Variants in MRTFB observed in about 807,000 individuals in gnomAD.
MRTFB encodes the protein myocardin related transcription factor B.
MRTFB carries 29 observed loss-of-function variants against 104.2 expected under a neutral mutation model. The ratio of observed to expected loss-of-function variants is 0.28; its 90% CI spans 0.21 to 0.38. MRTFB has a LOEUF of 0.38. Ranked by LOEUF, MRTFB falls within the 10% of genes least tolerant of loss-of-function variation. The pLI, the probability that MRTFB is intolerant of heterozygous loss-of-function variation, is 1.00. For missense variants in MRTFB, 1,270 were observed against 1,341.6 expected (o/e 0.95, Z 0.83); for synonymous variants, 535 against 519.5 (o/e 1.03, Z -0.41).
At chr16:14,044,492 G>T in the MRTFB span, among the ~76,000 whole-genome samples, 1 of 152,216 alleles carries the variant, frequency 6.6e-6, no homozygotes, top group Non-Finnish European at 1.5e-5. Context: ...GAAGGTAGGT[G>T]GTTTTCACAG....
intron 3 of MRTFB, chr16:14,186,909 C>G: frequency 6.3e-7 from 1 of 1,598,204 alleles, no homozygotes; most frequent in Non-Finnish European, 8.5e-7. Flanking sequence ...TCAGAAGCCT[C>G]TCACCATGAT....
the MRTFB span, among the ~76,000 whole-genome samples, chr16:13,996,688 G>A: frequency 1.2e-3 from 178 of 152,308 alleles, 1 homozygote; most frequent in Middle Eastern, 3.4e-3. Flanking sequence ...TGGAGAGCTC[G>A]TGAGACAAAG....
chr16:14,068,110 G>A (rs942516431), upstream of MRTFB, among the ~76,000 whole-genome samples: 4 of 152,118 alleles, frequency 2.6e-5, no homozygotes, highest in Non-Finnish European at 5.9e-5. Context: ...GGGATTACAG[G>A]CATGAGCCAC....
At chr16:14,254,238 G>A (rs777549784) in intron 15 of MRTFB, among the ~76,000 whole-genome samples, 10 of 152,192 alleles carry the variant, frequency 6.6e-5, no homozygotes, top group Admixed American at 4.6e-4. Flanking sequence ...GCAATTCCAC[G>A]AGTGGCTAAG....
At chr16:14,062,720 A>G in the MRTFB span, among the ~76,000 whole-genome samples, 5 of 152,324 alleles carry the variant, frequency 3.3e-5, no homozygotes, top group South Asian at 1.0e-3. Flanking sequence ...AGGGCCAGAG[A>G]AAAGAACTTG....
intron 3 of MRTFB, among the ~76,000 whole-genome samples, chr16:14,154,603 A>T (rs2142830216): frequency 6.6e-6 from 1 of 152,324 alleles, no homozygotes; most frequent in African/African-American, 2.4e-5. Context: ...TGCATTTATT[A>T]TCTCACAGCT....
intron 8 of MRTFB, among the ~76,000 whole-genome samples, chr16:14,225,520 T>A (rs1210452761): frequency 1.3e-5 from 2 of 152,142 alleles, no homozygotes; most frequent in Non-Finnish European, 2.9e-5. Context: ...TATGCAAACC[T>A]ACCCCCAAAA....
At chr16:14,014,651 C>G in the MRTFB span, among the ~76,000 whole-genome samples, 2 of 151,790 alleles carry the variant, frequency 1.3e-5, no homozygotes, top group Admixed American at 6.6e-5. Flanking sequence ...GTCAGGAGTT[C>G]GAGACCAGCC....
In MRTFB at chr16:14,192,707, T is replaced by A. The variant is rs1251765881; in HGVS notation, c.155-17536T>A. Among the ~76,000 whole-genome samples, 3 of 152,154 alleles carry A rather than the reference T, an allele frequency of 2.0e-5. No individual in the cohort carries two copies. The East Asian group carries it at 5.8e-4, about 29-fold the overall frequency. On this transcript the variant is annotated intron_variant, in intron 3 of 16. Coordinates refer to ENST00000571589, the MANE Select transcript of MRTFB (RefSeq NM_001308142.2). ...AAAGCTATGTATGCTTTGGTCCAAATAAGCAAGCATTACAGACTGGGGGCT... is the reference window on the plus strand; with the variant it reads ...AAAGCTATGTATGCTTTGGTCCAAAAAAGCAAGCATTACAGACTGGGGGCT...
intron 8 of MRTFB, among the ~76,000 whole-genome samples, chr16:14,220,844 T>G (rs1186533390): frequency 1.3e-5 from 2 of 152,156 alleles, no homozygotes; most frequent in African/African-American, 2.4e-5. Flanking sequence ...TATGTATACA[T>G]TCAAGAAAAA....
chr16:14,017,633 A>G, the MRTFB span, among the ~76,000 whole-genome samples: 4,993 of 43,934 alleles, frequency 0.11, 586 homozygotes, highest in Non-Finnish European at 0.15. Context: ...ATATATATAT[A>G]TATATATGTA....
chr16:14,033,033 G>A, the MRTFB span, among the ~76,000 whole-genome samples: 1 of 151,506 alleles, frequency 6.6e-6, no homozygotes, highest in Non-Finnish European at 1.5e-5. Flanking sequence ...TTTTTAGTAG[G>A]TCTGCAAAAA....
chr16:14,183,284 T>C (rs1344577695), intron 3 of MRTFB, among the ~76,000 whole-genome samples: 1 of 152,146 alleles, frequency 6.6e-6, no homozygotes, highest in Non-Finnish European at 1.5e-5. Context: ...AGGATAATAC[T>C]ATAAAATAAC....
In MRTFB at chr16:14,218,932, C is replaced by T. The variant is rs147706639; in HGVS notation, c.627C>T (p.Ala209=). Residue 209 remains alanine, a synonymous_variant, in exon 8 of 17, where the codon GCC becomes GCT. Transcript: ENST00000571589. ...QPASQESQGS[A]ASPSEPKVSE... is the part of the protein sequence containing the mutation. ...CGAGTCAGGAGTCACAGGGGTCAGC[C>T]GCGTCCCCAAGTGAGCCAAAAGTTA... The T allele has an allele frequency of 3.3e-5, 53 of 1,614,026 alleles. No homozygotes were observed. The African/African-American group carries it at 5.1e-4, about 15-fold the overall frequency.
At chr16:14,239,189 GAGAA>G (rs2042655511) in intron 9 of MRTFB, among the ~76,000 whole-genome samples, 1 of 152,098 alleles carries the variant, frequency 6.6e-6, no homozygotes, top group Admixed American at 6.5e-5. Flanking sequence ...CAGATGAAGA[GAGAA>G]AGGCACATTT....
chr16:14,037,204 C>T, the MRTFB span, among the ~76,000 whole-genome samples: 8,629 of 152,170 alleles, frequency 0.057, 242 homozygotes, highest in Middle Eastern at 0.092. Flanking sequence ...TGTCCTCATC[C>T]GTAGAAGGGC....
At chr16:14,096,482 G>C (rs2035381355) in intron 2 of MRTFB, among the ~76,000 whole-genome samples, 1 of 152,176 alleles carries the variant, frequency 6.6e-6, no homozygotes, top group South Asian at 2.1e-4. Flanking sequence ...TCCAGTGTAG[G>C]AGTTCATTGG....
the MRTFB span, among the ~76,000 whole-genome samples, chr16:13,996,174 A>G: frequency 6.6e-6 from 1 of 152,048 alleles, no homozygotes; most frequent in Non-Finnish European, 1.5e-5. Context: ...CAGGAGGCTG[A>G]GGCATGAGAA....
At chr16:14,016,257 C>T in the MRTFB span, among the ~76,000 whole-genome samples, 1 of 151,474 alleles carries the variant, frequency 6.6e-6, no homozygotes, top group Admixed American at 6.6e-5. Context: ...TAGAGAGCAG[C>T]AATCAAGTCA....
Sources: gnomAD v4.1 joint callset for allele counts (sites outside exome capture counted in the v4.1 genomes callset) on GRCh38, gnomAD v4.1.1 for gene constraint, MANE v1.5 for transcripts, NCBI Gene and HGNC (gene_info 2026-07-23, HGNC 2026-07-21) for gene names.